The following NRXN1 variants were observed in gnomAD, a reference collection of about 807,000 sequenced individuals.
NRXN1 encodes the protein neurexin 1, also known as neurexin-1.
A neutral mutation model predicts 150.9 loss-of-function variants in NRXN1; 39 were observed. The observed-to-expected ratio is 0.26, with a 90% confidence interval of 0.20 to 0.34. NRXN1 has a LOEUF of 0.34. Ranked by LOEUF, NRXN1 falls within the 10% of genes least tolerant of loss-of-function variation. The pLI, the probability that NRXN1 is intolerant of heterozygous loss-of-function variation, is 1.00. For missense variants in NRXN1, 1,815 were observed against 1,949.9 expected, an observed-to-expected ratio of 0.93 and a Z score of 1.30; for synonymous variants, 924 against 757.0, an observed-to-expected ratio of 1.22 and a Z score of -3.62.
At chr2:50,879,252 C>A (rs997957902) in intron 5 of NRXN1, among the ~76,000 whole-genome samples, 1 of 151,892 alleles carries the variant, frequency 6.6e-6, no homozygotes, top group Non-Finnish European at 1.5e-5. Context: ...CTAACCCTTA[C>A]CTGAATCTCC....
intron 18 of NRXN1, among the ~76,000 whole-genome samples, chr2:50,121,702 T>C (rs1207878122): frequency 6.6e-6 from 1 of 152,206 alleles, no homozygotes; most frequent in Non-Finnish European, 1.5e-5. Context: ...ATATAGACTA[T>C]GACTCTTTTG....
Position 50,914,901 on chromosome 2 carries a change from G to C in NRXN1, c.832+6968C>G, listed in dbSNP as rs1312180875. On this transcript the variant is annotated intron_variant, in intron 5 of 22. Transcript: ENST00000401669. The stretch of plus-strand genomic sequence containing the variant: ...CTATTTGTGCCAGTCACTGCTCTAG[G>C]GACCCTTGAGACACATCAGGGCAGG... Among the ~76,000 whole-genome samples, 3 of 151,440 alleles carry C rather than the reference G, an allele frequency of 2.0e-5. No homozygotes were observed. The Admixed American group carries it at 2.0e-4, about 10-fold the overall frequency.
chr2:50,911,220 C>T (rs553352663), intron 5 of NRXN1, among the ~76,000 whole-genome samples: 2 of 151,872 alleles, frequency 1.3e-5, no homozygotes, highest in African/African-American at 4.8e-5. Context: ...ATTACTCTTT[C>T]ACATCTATTT....
intron 5 of NRXN1, among the ~76,000 whole-genome samples, chr2:50,629,883 A>G (rs955707214): frequency 6.6e-6 from 1 of 151,148 alleles, no homozygotes; most frequent in Non-Finnish European, 1.5e-5. Context: ...GCTGCTTGGT[A>G]GTAATTGTTT....
At chr2:50,308,578 G>A (rs892757742) in intron 17 of NRXN1, among the ~76,000 whole-genome samples, 10 of 151,908 alleles carry the variant, frequency 6.6e-5, no homozygotes, top group African/African-American at 2.2e-4. Context: ...GCTGTCTAAC[G>A]CCTGGCATCA....
chr2:50,305,725 A>C (rs1558492148), intron 17 of NRXN1, among the ~76,000 whole-genome samples: 1 of 152,194 alleles, frequency 6.6e-6, no homozygotes, highest in Non-Finnish European at 1.5e-5. Context: ...TAATATTATC[A>C]AAGTCCACAC....
chr2:50,264,058 C>T (rs1216584263), intron 17 of NRXN1, among the ~76,000 whole-genome samples: 1 of 152,106 alleles, frequency 6.6e-6, no homozygotes, highest in East Asian at 1.9e-4. Context: ...TTTCTTCTAA[C>T]ATACCAAAAT....
chr2:51,017,362 G>A (rs1668847822), intron 2 of NRXN1, among the ~76,000 whole-genome samples: 1 of 150,360 alleles, frequency 6.7e-6, no homozygotes, highest in Non-Finnish European at 1.5e-5. Context: ...AAGAGATAGG[G>A]TCTTGCTCGG....
chr2:50,274,539 G>A (rs1287387786), intron 17 of NRXN1, among the ~76,000 whole-genome samples: 1 of 152,098 alleles, frequency 6.6e-6, no homozygotes, highest in Non-Finnish European at 1.5e-5. Context: ...TTCTGCACAT[G>A]TATCCCAGAA....
At chr2:50,792,057 A>T (rs1706122538) in intron 5 of NRXN1, among the ~76,000 whole-genome samples, 2 of 152,138 alleles carry the variant, frequency 1.3e-5, no homozygotes, top group African/African-American at 2.4e-5. Flanking sequence ...TTCCTAACAT[A>T]TAAATAAATT....
intron 9 of NRXN1, among the ~76,000 whole-genome samples, chr2:50,539,541 A>G (rs2105267126): frequency 6.6e-6 from 1 of 152,322 alleles, no homozygotes; most frequent in Admixed American, 6.5e-5. Context: ...AAAGAAAGAT[A>G]TAAAGCATAT....
At chr2:50,343,086 C>A (rs938364904) in intron 17 of NRXN1, among the ~76,000 whole-genome samples, 1 of 152,236 alleles carries the variant, frequency 6.6e-6, no homozygotes, top group African/African-American at 2.4e-5. Context: ...GTTAACACTT[C>A]CTTCTGGGAA....
At chr2:50,877,114 T>C (rs376362400) in intron 5 of NRXN1, among the ~76,000 whole-genome samples, 1 of 151,692 alleles carries the variant, frequency 6.6e-6, no homozygotes, top group African/African-American at 2.4e-5. Context: ...GATGGTGTCC[T>C]AGTTCAATGT....
intron 21 of NRXN1, among the ~76,000 whole-genome samples, chr2:49,965,302 C>T (rs1417095624): frequency 2.0e-5 from 3 of 151,520 alleles, no homozygotes; most frequent in Non-Finnish European, 4.4e-5. Flanking sequence ...AGTGTGCCTC[C>T]GTCTCCCAGG....
chr2:50,003,024 G>A (rs555353924), intron 21 of NRXN1, among the ~76,000 whole-genome samples: 5 of 152,072 alleles, frequency 3.3e-5, no homozygotes, highest in Non-Finnish European at 7.4e-5. Context: ...TTAGAGTCTG[G>A]GCCAAAAGAT....
intron 5 of NRXN1, among the ~76,000 whole-genome samples, chr2:50,655,555 G>C (rs111673511): frequency 0.017 from 2,561 of 152,068 alleles, 87 homozygotes; most frequent in African/African-American, 0.059. Context: ...TTGTTAAAAA[G>C]CCTCAGCGCT....
chr2:50,612,376 G>T (rs1559018400), intron 8 of NRXN1, among the ~76,000 whole-genome samples: 1 of 151,690 alleles, frequency 6.6e-6, no homozygotes, highest in African/African-American at 2.4e-5. Context: ...CCAAAAACTT[G>T]TTTTTTTTCT....
intron 5 of NRXN1, among the ~76,000 whole-genome samples, chr2:50,639,112 A>G (rs1683668711): frequency 6.6e-6 from 1 of 152,044 alleles, no homozygotes; most frequent in Non-Finnish European, 1.5e-5. Context: ...GGCAAAGACC[A>G]CTCAGCTTAT....
intron 17 of NRXN1, among the ~76,000 whole-genome samples, chr2:50,402,946 A>G (rs1355936085): frequency 6.6e-6 from 1 of 152,168 alleles, no homozygotes. Flanking sequence ...AGTAAAGTGT[A>G]CTTAAAATGA....
Sources: gnomAD v4.1 joint callset for allele counts (sites outside exome capture counted in the v4.1 genomes callset) on GRCh38, gnomAD v4.1.1 for gene constraint, MANE v1.5 for transcripts, NCBI Gene and HGNC (gene_info 2026-07-23, HGNC 2026-07-21) for gene names.